Variants in KLHL14 observed in about 807,000 individuals in gnomAD.
The protein encoded by KLHL14 is kelch like family member 14.
In KLHL14, 22 loss-of-function variants were observed where a neutral mutation model predicts 64.3. That is an observed-to-expected ratio of 0.34 (90% CI 0.24 to 0.49). KLHL14 has a LOEUF of 0.49. Ranked by LOEUF, KLHL14 falls within the 20% of genes least tolerant of loss-of-function variation. The pLI, the probability that KLHL14 is intolerant of heterozygous loss-of-function variation, is 0.99. For synonymous variants in KLHL14, 322 were observed against 333.4 expected (o/e 0.97, Z 0.37); for missense variants, 661 against 789.0 (o/e 0.84, Z 1.94).
At position 32,680,355 on chromosome 18, in the gene KLHL14, CAA is replaced by C. The variant is rs1440109242; in HGVS notation, c.1430-30_1430-29del. On this transcript the variant is annotated intron_variant, in intron 6 of 8. Coordinates refer to ENST00000359358, the MANE Select transcript of KLHL14 (RefSeq NM_020805.3). The surrounding 1 kb of genome is among the most constrained non-coding windows in gnomAD (Gnocchi z 4.8). ...GTGAAATAAACATAGACATACAAGT[CAA>C]GAGAGTGCTTTGGAACTGAACTTTG... 3.1e-6 allele frequency: 5 copies of C among 1,613,558 alleles called. No homozygotes were observed. Among genetic ancestry groups the C allele is most frequent in the Admixed American group, 3.3e-5 (2 of 59,964 alleles).
chr18:32,689,932 A>G (rs749150723), intron 4 of KLHL14, among the ~76,000 whole-genome samples: 8 of 152,214 alleles, frequency 5.3e-5, no homozygotes, highest in Non-Finnish European at 1.2e-4. Context: ...CTTGGAGGGT[A>G]GAAAGGCACA....
chr18:32,686,287 C>T (rs564298927), intron 5 of KLHL14, among the ~76,000 whole-genome samples: 5 of 151,134 alleles, frequency 3.3e-5, no homozygotes, highest in Non-Finnish European at 7.4e-5. Flanking sequence ...CCTCGGCCTC[C>T]CAAAGTGCAT....
chr18:32,761,798 A>G (rs2050315698), intron 2 of KLHL14, among the ~76,000 whole-genome samples: 1 of 152,174 alleles, frequency 6.6e-6, no homozygotes, highest in Non-Finnish European at 1.5e-5. Context: ...TACGTTCAAT[A>G]CAAATGTGGG....
At chr18:32,756,879 T>C (rs1213469632) in intron 2 of KLHL14, among the ~76,000 whole-genome samples, 1 of 152,218 alleles carries the variant, frequency 6.6e-6, no homozygotes, top group African/African-American at 2.4e-5. Flanking sequence ...CAAAAACATG[T>C]GACTAATTTC....
intron 2 of KLHL14, 138 bp from the exon 3 acceptor site, chr18:32,742,187 A>G: frequency 1.0e-6 from 1 of 973,174 alleles, no homozygotes; most frequent in Non-Finnish European, 1.5e-6. Context: ...TCCCCCATTC[A>G]TGTCTCAACA....
intron 5 of KLHL14, among the ~76,000 whole-genome samples, chr18:32,685,781 G>A (rs1219837665): frequency 6.6e-6 from 1 of 152,170 alleles, no homozygotes; most frequent in Non-Finnish European, 1.5e-5. Context: ...TAGAAAGTTA[G>A]ATATTGAGTT....
At chr18:32,686,590 A>C (rs1403490698) in intron 5 of KLHL14, among the ~76,000 whole-genome samples, 1 of 152,186 alleles carries the variant, frequency 6.6e-6, no homozygotes, top group Non-Finnish European at 1.5e-5. Context: ...AAAGCTAACA[A>C]ATTACTTGTT....
intron 3 of KLHL14, among the ~76,000 whole-genome samples, chr18:32,719,958 T>C (rs187480761): frequency 6.6e-6 from 1 of 152,312 alleles, no homozygotes; most frequent in East Asian, 1.9e-4. Flanking sequence ...AATTTATGTT[T>C]TCTGTAAAAA....
chr18:32,704,230 T>C (rs1253181895), intron 3 of KLHL14, among the ~76,000 whole-genome samples: 1 of 152,204 alleles, frequency 6.6e-6, no homozygotes, highest in Non-Finnish European at 1.5e-5. Context: ...ATGATTGTTA[T>C]GTAGTTTAAA....
At chr18:32,719,065 C>T (rs2050061499) in intron 3 of KLHL14, among the ~76,000 whole-genome samples, 1 of 152,232 alleles carries the variant, frequency 6.6e-6, no homozygotes, top group Non-Finnish European at 1.5e-5. Flanking sequence ...TCTCCTGCCT[C>T]AGCCTCCCGA....
chr18:32,769,610 C>T (rs373686877), intron 2 of KLHL14, 35 bp downstream of exon 2: 6 of 1,083,568 alleles, frequency 5.5e-6, no homozygotes, highest in African/African-American at 3.1e-5. Flanking sequence ...GGCTCTACCC[C>T]CCCCTCCCCC....
At chr18:32,748,652 C>CAT (rs1491108251) in intron 2 of KLHL14, among the ~76,000 whole-genome samples, 1 of 133,058 alleles carries the variant, frequency 7.5e-6, no homozygotes, top group African/African-American at 2.8e-5. Context: ...CCGCACCAGG[C>CAT]TTTTTTTTTT....
chr18:32,690,140 G>A (rs1393520164), intron 4 of KLHL14, among the ~76,000 whole-genome samples: 1 of 152,104 alleles, frequency 6.6e-6, no homozygotes, highest in Admixed American at 6.6e-5. Context: ...GTGGTTATAG[G>A]GATGGGCCAT....
At position 32,703,558 on chromosome 18, in the gene KLHL14, T is replaced by C. The variant is rs1157635975; in HGVS notation, c.1070-8006A>G. On this transcript the variant is annotated intron_variant, in intron 3 of 8. Transcript: ENST00000359358. The stretch of plus-strand genomic sequence containing the variant: ...TTTCCAGAACTATGATAACACCTAA[T>C]TGTGCCAAGGGCAAAGGTTTTCAAT... Among the ~76,000 whole-genome samples the C allele has an allele frequency of 5.3e-5, 8 of 152,326 alleles. No individual in the cohort carries two copies. The East Asian group carries it at 1.5e-3, about 29-fold the overall frequency.
intron 3 of KLHL14, among the ~76,000 whole-genome samples, chr18:32,735,361 G>A (rs1403675448): frequency 6.6e-6 from 1 of 152,024 alleles, no homozygotes; most frequent in Non-Finnish European, 1.5e-5. Context: ...TCCTCTCTTT[G>A]CATAACTTAA....
In KLHL14 at chr18:32,742,011, C is replaced by T. The variant is rs1340637517; in HGVS notation, c.986G>A (p.Gly329Glu). ...GAGCCGGTCCGGTCCAGGAGGCAGC[C>T]CTCCAACCAATAACAGCATTTTCTT... ...SNKKMLLLVG[G>E]LPPGPDRLPS... Residue 329 changes from glycine to glutamate, a missense_variant, in exon 3 of 9, where the codon GGG (glycine) becomes GAG (glutamate). Gly to Glu is a moderately conservative substitution (Grantham distance 98). Transcript: ENST00000359358. 1 of 1,612,982 alleles carries T rather than the reference C, an allele frequency of 6.2e-7. No individual in the cohort carries two copies. Among genetic ancestry groups the T allele is most frequent in the Non-Finnish European group, 8.5e-7 (1 of 1,179,744 alleles).
chr18:32,746,867 T>A (rs1226319099), intron 2 of KLHL14, among the ~76,000 whole-genome samples: 2 of 152,194 alleles, frequency 1.3e-5, no homozygotes, highest in African/African-American at 2.4e-5. Context: ...AATTTTGGAT[T>A]CTTAGTATAG....
At chr18:32,687,824 T>A (rs1173898111) in intron 4 of KLHL14, among the ~76,000 whole-genome samples, 1 of 152,202 alleles carries the variant, frequency 6.6e-6, no homozygotes, top group East Asian at 1.9e-4. Flanking sequence ...TCTCTATTGG[T>A]GGGAGAGTCT....
At chr18:32,704,662 C>T (rs1598556178) in intron 3 of KLHL14, among the ~76,000 whole-genome samples, 3 of 152,068 alleles carry the variant, frequency 2.0e-5, no homozygotes, top group East Asian at 1.9e-4. Context: ...GCAGAGGTTG[C>T]TGTGAGTCAA....
Sources: allele counts gnomAD v4.1 joint callset (sites outside exome capture counted in the v4.1 genomes callset), GRCh38; gene constraint gnomAD v4.1.1; non-coding constraint Gnocchi (gnomAD v3.1); transcripts MANE v1.5; gene names NCBI Gene and HGNC (gene_info 2026-07-23, HGNC 2026-07-21).